DRC8: variants seen among roughly 807,000 people sequenced by gnomAD.
DRC8 encodes dynein regulatory complex subunit 8, also known as dynein regulatory complex protein 8.
the DRC8 span, among the ~76,000 whole-genome samples, chr1:244,992,576 TAAAAATACA>T: frequency 6.6e-6 from 1 of 151,982 alleles, no homozygotes; most frequent in Non-Finnish European, 1.5e-5. Context: ...CTGTCTCTAC[TAAAAATACA>T]AAAAATTAGC....
At chr1:245,028,560 A>C in the DRC8 span, among the ~76,000 whole-genome samples, 1 of 152,170 alleles carries the variant, frequency 6.6e-6, no homozygotes, top group Admixed American at 6.5e-5. Context: ...GATGGTGTGC[A>C]GGATAAAGAA....
At chr1:245,018,383 T>G in the DRC8 span, among the ~76,000 whole-genome samples, 9 of 152,152 alleles carry the variant, frequency 5.9e-5, no homozygotes, top group African/African-American at 2.2e-4. Flanking sequence ...GGAAAGGAAC[T>G]GTTTGATGCT....
chr1:245,032,783 C>T, the DRC8 span, among the ~76,000 whole-genome samples: 2 of 152,026 alleles, frequency 1.3e-5, no homozygotes, highest in Non-Finnish European at 2.9e-5. Flanking sequence ...GTCTGTTGCT[C>T]TAGGATCCTG....
the DRC8 span, chr1:244,970,134 G>A: frequency 8.8e-6 from 6 of 680,742 alleles, no homozygotes; most frequent in Middle Eastern, 2.7e-4. Flanking sequence ...TGCTAGGCCC[G>A]GGACAAGTCC....
the DRC8 span, among the ~76,000 whole-genome samples, chr1:245,115,311 G>T: frequency 2.0e-5 from 3 of 152,214 alleles, no homozygotes; most frequent in Non-Finnish European, 4.4e-5. Flanking sequence ...GCCTCCCAAA[G>T]TGTTGGGATT....
At chr1:245,124,977 C>T in the DRC8 span, 1 of 152,236 alleles carries the variant, frequency 6.6e-6, no homozygotes, top group Non-Finnish European at 1.5e-5. Context: ...AACCCTATGC[C>T]TCGGCGTATT....
chr1:244,982,592 A>C, the DRC8 span, among the ~76,000 whole-genome samples: 1 of 152,172 alleles, frequency 6.6e-6, no homozygotes, highest in Non-Finnish European at 1.5e-5. Flanking sequence ...CGGACCCTGG[A>C]GTCCATAGAC....
At chr1:245,059,534 AC>A in the DRC8 span, 8 of 1,328,616 alleles carry the variant, frequency 6.0e-6, no homozygotes, top group Non-Finnish European at 8.4e-6. Context: ...AACAATCCTT[AC>A]CGGAAACTAA....
the DRC8 span, among the ~76,000 whole-genome samples, chr1:245,027,526 T>C: frequency 9.2e-5 from 14 of 152,298 alleles, no homozygotes; most frequent in African/African-American, 3.1e-4. Flanking sequence ...TATTTTAAGT[T>C]CAGAAAAGAT....
chr1:244,999,088 A>G, the DRC8 span, among the ~76,000 whole-genome samples: 18 of 150,258 alleles, frequency 1.2e-4, no homozygotes, highest in Admixed American at 1.1e-3. Flanking sequence ...AAAAAGAAAG[A>G]AAAGGAGAGG....
the DRC8 span, among the ~76,000 whole-genome samples, chr1:245,118,882 A>C: frequency 6.6e-6 from 1 of 151,936 alleles, no homozygotes; most frequent in South Asian, 2.1e-4. Context: ...TGATTTCCAG[A>C]AGACATTATA....
At chr1:245,105,783 A>T in the DRC8 span, among the ~76,000 whole-genome samples, 3 of 152,204 alleles carry the variant, frequency 2.0e-5, no homozygotes, top group African/African-American at 7.2e-5. Flanking sequence ...TCTCTTGAAA[A>T]CATGCATTTT....
the DRC8 span, among the ~76,000 whole-genome samples, chr1:245,008,885 G>A: frequency 6.6e-6 from 1 of 151,444 alleles, no homozygotes; most frequent in Non-Finnish European, 1.5e-5. Context: ...GTGAGGTCTC[G>A]CTATGTTGCT....
chr1:245,025,729 C>T, the DRC8 span, among the ~76,000 whole-genome samples: 1 of 152,150 alleles, frequency 6.6e-6, no homozygotes, highest in Non-Finnish European at 1.5e-5. Context: ...TTGTCGCTGC[C>T]ATTATCCCCA....
chr1:245,087,414 T>C, the DRC8 span: 16 of 1,535,552 alleles, frequency 1.0e-5, no homozygotes, highest in Non-Finnish European at 1.4e-5. Flanking sequence ...TTGCTTGTTC[T>C]TGTTAATTTC....
chr1:245,000,297 C>A, the DRC8 span, among the ~76,000 whole-genome samples: 1 of 152,148 alleles, frequency 6.6e-6, no homozygotes, highest in African/African-American at 2.4e-5. Context: ...AGTGGAATGA[C>A]GTGAGATTTC....
chr1:244,983,692 G>T, the DRC8 span, among the ~76,000 whole-genome samples: 1 of 138,206 alleles, frequency 7.2e-6, no homozygotes, highest in African/African-American at 2.7e-5. Context: ...GTGAGCCAAG[G>T]TCATGCCATT....
At chr1:245,003,146 A>G in the DRC8 span, among the ~76,000 whole-genome samples, 1 of 152,226 alleles carries the variant, frequency 6.6e-6, no homozygotes, top group South Asian at 2.1e-4. Flanking sequence ...AGGCTAAGTA[A>G]TATACCATTG....
the DRC8 span, among the ~76,000 whole-genome samples, chr1:245,120,351 C>T: frequency 6.6e-6 from 1 of 152,112 alleles, no homozygotes; most frequent in Admixed American, 6.5e-5. Context: ...GTATAAATAC[C>T]CACCTCATCG....
Sources: allele counts gnomAD v4.1 joint callset (sites outside exome capture counted in the v4.1 genomes callset), GRCh38; gene constraint gnomAD v4.1.1; transcripts MANE v1.5; gene names NCBI Gene and HGNC (gene_info 2026-07-23, HGNC 2026-07-21).